CNDP1: variants seen among roughly 807,000 people sequenced by gnomAD.
The protein encoded by CNDP1 is beta-Ala-His dipeptidase.
CNDP1 carries 44 observed loss-of-function variants against 58.1 expected under a neutral mutation model. The ratio of observed to expected loss-of-function variants is 0.76; its 90% CI spans 0.60 to 0.97. CNDP1 has a LOEUF of 0.97. CNDP1 is among the 50% of genes least tolerant of loss of function. The pLI, the probability that CNDP1 is intolerant of heterozygous loss-of-function variation, is 0.00. For synonymous variants in CNDP1, 254 were observed against 252.6 expected (o/e 1.01, Z -0.05); for missense variants, 616 against 655.1 (o/e 0.94, Z 0.65).
Position 74,584,756 on chromosome 18 carries a change from G to T in CNDP1, c.*194G>T. The T allele has an allele frequency of 1.8e-6, 1 of 559,426 alleles. No individual in the cohort carries two copies. The highest frequency in any genetic ancestry group is 3.2e-6 in the Non-Finnish European group (1 of 312,958). 34.7% of individuals were successfully genotyped at this position (559,426 alleles called of 1,614,324 possible). On this transcript the variant is annotated 3_prime_UTR_variant, in exon 12 of 12. Coordinates refer to ENST00000358821, the MANE Select transcript of CNDP1 (RefSeq NM_032649.6). ...GGCACAGATGTTGGAAATGGTTTAA[G>T]GTCCCCCACTGCACACCTTCCTCAA...
intron 11 of CNDP1, 29 bp downstream of exon 11, chr18:74,583,737 T>C (rs754038091): frequency 6.2e-7 from 1 of 1,612,318 alleles, no homozygotes; most frequent in South Asian, 1.1e-5. Flanking sequence ...AATGTGCCTC[T>C]CTCTTCTTCC....
Position 74,576,977 on chromosome 18 carries a change from TAGA to T in CNDP1, c.955_957del (p.Glu319del). 1.2e-6 allele frequency: 2 copies of T among 1,613,328 alleles called. No homozygotes were observed. Among genetic ancestry groups the T allele is most frequent in the Middle Eastern group, 3.3e-4 (2 of 6,058 alleles). On this transcript the variant is annotated inframe_deletion, in exon 8 of 12. Coordinates refer to ENST00000358821, the MANE Select transcript of CNDP1 (RefSeq NM_032649.6). ...ACATACAAAGCCATCCATCTAGACC[TAGA>T]AGAATACCGGAATAGCAGCCGGGTT...
intron 1 of CNDP1, among the ~76,000 whole-genome samples, chr18:74,549,912 C>A (rs1381750358): frequency 6.6e-6 from 1 of 152,234 alleles, no homozygotes; most frequent in Admixed American, 6.5e-5. Flanking sequence ...GCCTTGGCAG[C>A]TTCCACATGG....
Position 74,584,678 on chromosome 18 carries a change from C to A in CNDP1, c.*116C>A. ...TTTGGGTCTAGTATAGTACATTTTC[C>A]CTTCCATTTAAAATGTCTTGGGATA... On this transcript the variant is annotated 3_prime_UTR_variant, in exon 12 of 12. Transcript: ENST00000358821. The A allele has an allele frequency of 1.3e-6, 1 of 751,244 alleles. No individual in the cohort carries two copies. Among genetic ancestry groups the A allele is most frequent in the Non-Finnish European group, 2.3e-6 (1 of 431,590 alleles). 46.5% of individuals were successfully genotyped at this position (751,244 alleles called of 1,614,324 possible).
Position 74,534,643 on chromosome 18 carries a change from C to G in CNDP1, c.-25C>G. 3 of 1,614,018 alleles carry G rather than the reference C, an allele frequency of 1.9e-6. No individual in the cohort carries two copies. The highest frequency in any genetic ancestry group is 2.5e-6 in the Non-Finnish European group (3 of 1,179,906). The stretch of plus-strand genomic sequence containing the variant: ...CATTTTTTGGAGGTTGGGAAAGTTG[C>G]TAGAGGCTTCAGAACTCCAGCCTAA... On this transcript the variant is annotated 5_prime_UTR_variant, in exon 1 of 12. Coordinates refer to ENST00000358821, the MANE Select transcript of CNDP1 (RefSeq NM_032649.6).
At chr18:74,572,535 C>G (rs149084484) in intron 7 of CNDP1, among the ~76,000 whole-genome samples, 2 of 152,208 alleles carry the variant, frequency 1.3e-5, no homozygotes, top group Admixed American at 6.5e-5. Flanking sequence ...CGCCTGCAAT[C>G]CCAGCACTTT....
At chr18:74,563,601 C>T (rs559047750) in intron 5 of CNDP1, among the ~76,000 whole-genome samples, 60 of 152,312 alleles carry the variant, frequency 3.9e-4, no homozygotes, top group African/African-American at 1.3e-3. Flanking sequence ...CTCACAAGCT[C>T]GCAGGGATTC....
At chr18:74,552,049 G>T (rs1253038293) in intron 1 of CNDP1, among the ~76,000 whole-genome samples, 3 of 152,174 alleles carry the variant, frequency 2.0e-5, no homozygotes, top group Non-Finnish European at 4.4e-5. Flanking sequence ...TGCCGCCCCT[G>T]GCTCCTGGCT....
At position 74,578,235 on chromosome 18, in the gene CNDP1, C is replaced by G. The variant is rs769139173; in HGVS notation, c.1075C>G (p.Pro359Ala). Reference sequence around the variant, plus strand: ...TGGGATCGAGGGCGCGTTTGATGAGCCTGGAACTAAAACAGTCATACCTGG... The same window carrying G: ...TGGGATCGAGGGCGCGTTTGATGAGGCTGGAACTAAAACAGTCATACCTGG... ...IHGIEGAFDE[P>A]GTKTVIPGRV... is the part of the protein sequence containing the mutation. The change falls in exon 9 of 12, where the codon CCT becomes GCT. Residue 359 changes from proline to alanine, a missense_variant. Coordinates refer to ENST00000358821, the MANE Select transcript of CNDP1 (RefSeq NM_032649.6). The G allele has an allele frequency of 6.2e-7, 1 of 1,613,928 alleles. No individual in the cohort carries two copies. Among genetic ancestry groups the G allele is most frequent in the Non-Finnish European group, 8.5e-7 (1 of 1,179,984 alleles).
At chr18:74,568,265 G>C (rs542902362) in intron 6 of CNDP1, among the ~76,000 whole-genome samples, 62 of 152,326 alleles carry the variant, frequency 4.1e-4, no homozygotes, top group African/African-American at 1.4e-3. Flanking sequence ...ATGGCTATGC[G>C]TGTGAAAAAC....
At chr18:74,554,119 G>A (rs1430226115) in intron 1 of CNDP1, among the ~76,000 whole-genome samples, 2 of 152,162 alleles carry the variant, frequency 1.3e-5, no homozygotes, top group African/African-American at 2.4e-5. Flanking sequence ...TATTAGGCCT[G>A]TGGTCTCCCC....
At chr18:74,543,940 T>A (rs966600293) in intron 1 of CNDP1, among the ~76,000 whole-genome samples, 1 of 151,394 alleles carries the variant, frequency 6.6e-6, no homozygotes, top group Non-Finnish European at 1.5e-5. Context: ...TAAAAATCAG[T>A]CCACGTATGG....
intron 1 of CNDP1, among the ~76,000 whole-genome samples, chr18:74,540,928 C>T (rs1052051408): frequency 3.9e-5 from 6 of 152,226 alleles, no homozygotes; most frequent in South Asian, 2.1e-4. Context: ...ATGCTGCAAA[C>T]ATCAAATTTC....
At position 74,582,242 on chromosome 18, in the gene CNDP1, C is replaced by T. The variant is rs375658905; in HGVS notation, c.1310-1319C>T. Among the ~76,000 whole-genome samples the T allele has an allele frequency of 1.1e-4, 17 of 152,270 alleles. No homozygotes were observed. In the East Asian group the frequency reaches 1.7e-3, roughly 16 times the overall value. On this transcript the variant is annotated intron_variant, in intron 10 of 11. Coordinates refer to ENST00000358821, the MANE Select transcript of CNDP1 (RefSeq NM_032649.6). The stretch of plus-strand genomic sequence containing the variant: ...TTGTGTGCTAAACTGGTTCTGCGAA[C>T]GAGGCACATCACTTCGATTCACGTC...
intron 3 of CNDP1, among the ~76,000 whole-genome samples, chr18:74,560,010 C>CTTTTCT (rs1555709726): frequency 1.6e-5 from 2 of 121,326 alleles, no homozygotes; most frequent in Non-Finnish European, 3.3e-5. Flanking sequence ...CATCTGCATT[C>CTTTTCT]TTTTTTTTTT....
chr18:74,558,951 G>A (rs1032229887), intron 2 of CNDP1, among the ~76,000 whole-genome samples: 19 of 152,072 alleles, frequency 1.2e-4, no homozygotes. Flanking sequence ...GAAGCCAGGA[G>A]TCCTGGAGAA....
chr18:74,545,100 C>T lies in CNDP1; in HGVS notation c.24+10409C>T, dbSNP rs56106392. 0.17 allele frequency among the ~76,000 whole-genome samples: 26,150 copies of T among 152,194 alleles called. 2,335 individuals carry two copies. Among genetic ancestry groups the T allele is most frequent in the Middle Eastern group, 0.26 (75 of 294 alleles). ...CAGACGGAGCCCAGCCCTGCCAACA[C>T]GTGATTTAGGTTTCTGGCCTCTAAA... On this transcript the variant is annotated intron_variant, in intron 1 of 11. Transcript: ENST00000358821. The surrounding 1 kb of genome is among the most constrained non-coding windows in gnomAD (Gnocchi z 4.1).
intron 9 of CNDP1, among the ~76,000 whole-genome samples, chr18:74,578,884 A>G (rs1379245266): frequency 6.6e-6 from 1 of 152,134 alleles, no homozygotes. Flanking sequence ...TTTTAAGGAA[A>G]ATATTTTCTA....
chr18:74,543,743 A>G (rs887370489), intron 1 of CNDP1, among the ~76,000 whole-genome samples: 7 of 152,180 alleles, frequency 4.6e-5, no homozygotes, highest in South Asian at 2.1e-4. Flanking sequence ...TCTGGAGGAT[A>G]TATGATAGAT....
Sources: allele counts gnomAD v4.1 joint callset (sites outside exome capture counted in the v4.1 genomes callset), GRCh38; gene constraint gnomAD v4.1.1; non-coding constraint Gnocchi (gnomAD v3.1); transcripts MANE v1.5; gene names NCBI Gene and HGNC (gene_info 2026-07-23, HGNC 2026-07-21).